MUC5B: variants seen among roughly 807,000 people sequenced by gnomAD.
MUC5B encodes mucin 5B, oligomeric mucus/gel-forming.
A neutral mutation model predicts 376.9 loss-of-function variants in MUC5B; 116 were observed. The observed-to-expected ratio is 0.31, with a 90% CI of 0.26 to 0.36. The LOEUF (loss-of-function observed/expected upper bound fraction) is 0.36. Ranked by LOEUF, MUC5B falls within the 10% of genes least tolerant of loss-of-function variation. The probability of loss-of-function intolerance (pLI) is 1.00; values close to 1 mark genes in which losing one functional copy is unlikely to be tolerated. For missense variants in MUC5B, 7,165 were observed against 7,769.9 expected (o/e 0.92, Z 2.93); for synonymous variants, 3,517 against 3,390.9 (o/e 1.04, Z -1.29).
In MUC5B at chr11:1,241,093, C is replaced by G. The variant is rs755457859; in HGVS notation, c.4213C>G (p.Leu1405Val). ...QQVDCDRMRG[L>V]MCANSQQSPP... ...GGTGGACTGTGACCGCATGCGGGGG[C>G]TGATGTGCGCCAACAGCCAACAGAG... Residue 1405 changes from leucine (L) to valine (V), a missense_variant, in exon 31 of 49, where the codon CTG becomes GTG. Leu to Val is a conservative substitution (Grantham distance 32). Transcript: ENST00000529681. 1 of 1,612,192 alleles carries G rather than the reference C, an allele frequency of 6.2e-7. No individual in the cohort carries two copies. Among genetic ancestry groups the G allele is most frequent in the Non-Finnish European group, 8.5e-7 (1 of 1,179,304 alleles).
rs774507352 is a variant in MUC5B at position 1,241,709 on chromosome 11, C to T, written c.4829C>T (p.Pro1610Leu). The T allele has an allele frequency of 3.2e-5, 52 of 1,612,204 alleles. No homozygotes were observed. The Admixed American group carries it at 3.5e-4, about 11-fold the overall frequency. The change falls in exon 31 of 49, where the codon CCG (proline) becomes CTG (leucine). Residue 1610 changes from proline to leucine, a missense_variant. By Grantham distance (98) the Pro-to-Leu change is moderately conservative. Coordinates refer to ENST00000529681, the MANE Select transcript of MUC5B (RefSeq NM_002458.3). ...CACTGCAGGGGACGTGCCACAACCC[C>T]GCCACCGACCACAGAGCTGGAGACG... ...DDHCRGRATTPPPTTELETAT... is the reference protein window; with the variant it reads ...DDHCRGRATTLPPTTELETAT...
Position 1,241,708 on chromosome 11 carries a change from C to A in MUC5B, c.4828C>A (p.Pro1610Thr), listed in dbSNP as rs1345238449. 1.2e-6 allele frequency: 2 copies of A among 1,612,232 alleles called. No homozygotes were observed. Among genetic ancestry groups the A allele is most frequent in the African/African-American group, 2.7e-5 (2 of 74,848 alleles). ...DDHCRGRATT[P>T]PPTTELETAT... is the part of the protein sequence containing the mutation. ...CCACTGCAGGGGACGTGCCACAACC[C>A]CGCCACCGACCACAGAGCTGGAGAC... Residue 1610 changes from proline to threonine, a missense_variant, in exon 31 of 49, where the codon CCG becomes ACG. By Grantham distance (38) the Pro-to-Thr change is conservative. Transcript: ENST00000529681.
rs200229205 is a variant in MUC5B at position 1,248,401 on chromosome 11, G to A, written c.11521G>A (p.Ala3841Thr). 1,327 of 1,610,922 alleles carry A rather than the reference G, an allele frequency of 8.2e-4. 4 individuals are homozygous for A. The highest frequency in any genetic ancestry group is 1.0e-3 in the Non-Finnish European group (1,196 of 1,178,944). The change falls in exon 31 of 49, where the codon GCC becomes ACC. Residue 3841 changes from alanine (A) to threonine (T), a missense_variant. By Grantham distance (58) the Ala-to-Thr change is moderately conservative. Around this residue, in one of 31 missense-constraint regions of MUC5B, gnomAD observed 242 missense variants for 199.0 expected, o/e 1.22. Coordinates refer to ENST00000529681, the MANE Select transcript of MUC5B (RefSeq NM_002458.3). Reference sequence around the variant, plus strand: ...CACCTCCACAGTGCTTACCACCACGGCCACCACAACCAGGGCCACCGGCTC... The same window carrying A: ...CACCTCCACAGTGCTTACCACCACGACCACCACAACCAGGGCCACCGGCTC... ...AHTSTVLTTT[A>T]TTTRATGSVA... is the part of the protein sequence containing the mutation.
intron 26 of MUC5B, 88 bp downstream of exon 26, chr11:1,239,115 G>A (rs1862221883): frequency 6.8e-7 from 1 of 1,470,872 alleles, no homozygotes; most frequent in Non-Finnish European, 9.2e-7. Flanking sequence ...GCATTGACCT[G>A]GGCCTGAGCC....
chr11:1,261,034 C>G (rs997287832), intron 48 of MUC5B, among the ~76,000 whole-genome samples: 9 of 152,240 alleles, frequency 5.9e-5, no homozygotes, highest in Non-Finnish European at 8.8e-5. Flanking sequence ...TGAAGCCCCC[C>G]ATGGCTTGCC....
Position 1,234,419 on chromosome 11 carries a change from C to T in MUC5B, c.2479-110C>T. On this transcript the variant is annotated intron_variant, in intron 20 of 48. Transcript: ENST00000529681. The surrounding 1 kb of genome is among the most constrained non-coding windows in gnomAD (Gnocchi z 6.3). ...CACTTACCCACCTGGAAGCTCCGCC[C>T]TGGCCCATGCGTTGCCCTGGGTGCT... 6.7e-7 allele frequency: 1 copy of T among 1,501,536 alleles called. No homozygotes were observed. Among genetic ancestry groups the T allele is most frequent in the Non-Finnish European group, 9.0e-7 (1 of 1,110,674 alleles). The allele number at this position is 1,501,536 out of a possible 1,614,324, so 93.0% of individuals were successfully genotyped here.
chr11:1,225,402 C>T (rs1028465182), intron 1 of MUC5B, among the ~76,000 whole-genome samples: 1 of 152,246 alleles, frequency 6.6e-6, no homozygotes, highest in African/African-American at 2.4e-5. Context: ...GGGGGCAGCT[C>T]AGGGCTCCCT....
rs1340839538 is a variant in MUC5B, at chr11:1,242,725, A to G, written c.5845A>G (p.Thr1949Ala). ...CACCACGGCCACCACACCCACAGTC[A>G]CCAGCTCCAAAGCCACTCCCTCCTC... ...LTTTATTPTV[T>A]SSKATPSSSP... Residue 1949 changes from threonine to alanine, a missense_variant, in exon 31 of 49, where the codon ACC becomes GCC. Transcript: ENST00000529681. 1.2e-6 allele frequency: 2 copies of G among 1,613,300 alleles called. No individual in the cohort carries two copies. Among genetic ancestry groups the G allele is most frequent in the East Asian group, 2.2e-5 (1 of 44,838 alleles).
intron 32 of MUC5B, 42 bp from the exon 33 acceptor site, chr11:1,252,767 G>A (rs371727089): frequency 1.0e-5 from 16 of 1,558,054 alleles, no homozygotes; most frequent in East Asian, 9.6e-5. Flanking sequence ...GATGGGTCCC[G>A]TGAGCTGGTC....
In MUC5B at chr11:1,241,707, C is replaced by G. The variant is rs768751236; in HGVS notation, c.4827C>G (p.Thr1609=). Residue 1609 remains threonine (T), a synonymous_variant, in exon 31 of 49, where the codon ACC becomes ACG. Coordinates refer to ENST00000529681, the MANE Select transcript of MUC5B (RefSeq NM_002458.3). ...ACCACTGCAGGGGACGTGCCACAAC[C>G]CCGCCACCGACCACAGAGCTGGAGA... is the stretch of plus-strand genomic sequence containing the variant. The part of the protein sequence containing the change: ...SDDHCRGRAT[T]PPPTTELETA... 6.2e-7 allele frequency: 1 copy of G among 1,612,302 alleles called. No homozygotes were observed. Among genetic ancestry groups the G allele is most frequent in the Non-Finnish European group, 8.5e-7 (1 of 1,179,686 alleles).
chr11:1,258,275 G>T lies in MUC5B; in HGVS notation c.16556-55G>T. On this transcript the variant is annotated intron_variant, in intron 42 of 48. Transcript: ENST00000529681. This position sits in a 1 kb window ranked among gnomAD's most constrained non-coding sequence, Gnocchi z 5.5. Reference sequence around the variant, plus strand: ...TGGGGGAGTGCAGGATGGTGGGGGCGCTGGAGCACATGCTCCCCACCACTT... The same window carrying T: ...TGGGGGAGTGCAGGATGGTGGGGGCTCTGGAGCACATGCTCCCCACCACTT... 6.3e-7 allele frequency: 1 copy of T among 1,596,110 alleles called. No homozygotes were observed. Among genetic ancestry groups the T allele is most frequent in the Non-Finnish European group, 8.5e-7 (1 of 1,170,946 alleles).
Position 1,239,790 on chromosome 11 carries a change from C to T in MUC5B, c.3584-9C>T, listed in dbSNP as rs115494543. 190 of 1,607,170 alleles carry T rather than the reference C, an allele frequency of 1.2e-4. No individual in the cohort carries two copies. In the African/African-American group the frequency reaches 1.5e-3, roughly 13 times the overall value. ...CTGGTGAGTCTTCTGCTCACCCTGC[C>T]GGCCCTAGGCTGCTACCCGAAGTGC... On this transcript the variant is annotated splice_polypyrimidine_tract_variant and intron_variant, in intron 27 of 48. Transcript: ENST00000529681.
rs772470885 is a variant in MUC5B at position 1,243,873 on chromosome 11, G to A, written c.6993G>A (p.Pro2331=). 151 of 1,610,846 alleles carry A rather than the reference G, an allele frequency of 9.4e-5. No individual in the cohort carries two copies. Among genetic ancestry groups the A allele is most frequent in the Non-Finnish European group, 1.1e-4 (126 of 1,179,448 alleles). Residue 2331 remains proline, a synonymous_variant, in exon 31 of 49, where the codon CCG becomes CCA. Coordinates refer to ENST00000529681, the MANE Select transcript of MUC5B (RefSeq NM_002458.3). Reference sequence around the variant, plus strand: ...GGCTGGACTACAGCTACCCCATGCCGGGGCCCTCTGGCGGGGACTTTGACA... The same window carrying A: ...GGCTGGACTACAGCTACCCCATGCCAGGGCCCTCTGGCGGGGACTTTGACA... ...SEWLDYSYPM[P]GPSGGDFDTY...
chr11:1,235,013 C>T, intron 21 of MUC5B, 72 bp from the exon 22 acceptor site: 1 of 1,536,484 alleles, frequency 6.5e-7, no homozygotes, highest in East Asian at 2.3e-5. Context: ...CCTGCACAGG[C>T]CTGGGTGCCG....
rs2943507 is a variant in MUC5B, at chr11:1,242,851, A to G, written c.5971A>G (p.Thr1991Ala). Residue 1991 changes from threonine to alanine, a missense_variant, in exon 31 of 49, where the codon ACC becomes GCC. By Grantham distance (58) the Thr-to-Ala change is moderately conservative. This residue lies in a region of MUC5B where 897 missense variants were observed against 779.6 expected (regional missense o/e 1.15). Transcript: ENST00000529681. ...TPIPSSSLGT[T>A]WTRLSQTTTP... ...CATCCCCTCTTCCTCCCTGGGCACC[A>G]CCTGGACCCGCCTATCACAGACCAC... The G allele has an allele frequency of 8.5e-4, 1,365 of 1,611,290 alleles. 5 individuals carry two copies. The African/African-American group carries it at 0.013, about 15-fold the overall frequency.
In MUC5B at chr11:1,225,721, G is replaced by T. The variant is rs763910150; in HGVS notation, c.111G>T (p.Gly37=). 6.2e-7 allele frequency: 1 copy of T among 1,606,490 alleles called. No homozygotes were observed. The highest frequency in any genetic ancestry group is 2.2e-5 in the East Asian group (1 of 44,588). The change falls in exon 2 of 49, where the codon GGG becomes GGT. Residue 37 remains glycine, a synonymous_variant. Coordinates refer to ENST00000529681, the MANE Select transcript of MUC5B (RefSeq NM_002458.3). ...TGGAGCCGAGCTGGGAGAATGCAGG[G>T]CACACCATGGATGGCGGTATGTGGC... ...GPVEPSWENA[G]HTMDGGAPTS...
At chr11:1,226,100 C>A in intron 2 of MUC5B, 105 bp from the exon 3 acceptor site, 1 of 1,186,204 alleles carries the variant, frequency 8.4e-7, no homozygotes, top group South Asian at 1.5e-5. Context: ...CAGTTTTGGG[C>A]TCCCCTTCAA....
rs1477925126 is a variant in MUC5B, at chr11:1,250,965, C to T, written c.14085C>T (p.Asn4695=). ...TCACGGCCACCGGCTCCACCACCAA[C>T]CCCTCCTCAACTCCAGGGACAACAC... ...TTITATGSTT[N]PSSTPGTTPI... is the part of the protein sequence containing the mutation. Residue 4695 remains asparagine, a synonymous_variant, in exon 31 of 49, where the codon AAC becomes AAT. Coordinates refer to ENST00000529681, the MANE Select transcript of MUC5B (RefSeq NM_002458.3). 2 of 1,610,894 alleles carry T rather than the reference C, an allele frequency of 1.2e-6. No homozygotes were observed. The highest frequency in any genetic ancestry group is 1.7e-5 in the Admixed American group (1 of 59,726).
Position 1,230,537 on chromosome 11 carries a change from C to G in MUC5B, c.1407C>G (p.Cys469Trp). The change falls in exon 12 of 49, where the codon TGC (cysteine) becomes TGG (tryptophan). Residue 469 changes from cysteine (C) to tryptophan (W), a missense_variant. Physicochemically the swap from Cys to Trp is radical, Grantham distance 215. Coordinates refer to ENST00000529681, the MANE Select transcript of MUC5B (RefSeq NM_002458.3). ...SFTVLAELRK[C>W]GLTDNENCLK... ...CCGTGCTGGCTGAGCTGCGGAAGTG[C>G]GGCCTGACGGACAACGAGAACTGCC... 1 of 1,611,250 alleles carries G rather than the reference C, an allele frequency of 6.2e-7. No homozygotes were observed. The highest frequency in any genetic ancestry group is 1.3e-5 in the African/African-American group (1 of 75,044).
Sources: allele counts gnomAD v4.1 joint callset (sites outside exome capture counted in the v4.1 genomes callset), GRCh38; gene constraint gnomAD v4.1.1; regional missense constraint gnomAD v4.1.1; non-coding constraint Gnocchi (gnomAD v3.1); transcripts MANE v1.5; gene names NCBI Gene and HGNC (gene_info 2026-07-23, HGNC 2026-07-21).